The following RERE variants were observed in gnomAD, a reference collection of about 807,000 sequenced individuals.
RERE encodes arginine-glutamic acid dipeptide repeats.
Under a neutral mutation model 146.1 loss-of-function variants are expected in RERE, and 40 were observed. The observed-to-expected ratio is 0.27, with a 90% CI of 0.21 to 0.36. The LOEUF (loss-of-function observed/expected upper bound fraction) is 0.36. Among genes scored for constraint, RERE ranks in the 10% least tolerant of loss-of-function variants. RERE has a pLI of 1.00. For synonymous variants in RERE, 1,003 were observed against 866.0 expected, an observed-to-expected ratio of 1.16 and a Z score of -2.78; for missense variants, 1,933 against 2,138.7, an observed-to-expected ratio of 0.90 and a Z score of 1.90.
chr1:8,740,291 A>G (rs982098488), intron 1 of RERE, among the ~76,000 whole-genome samples: 4 of 152,226 alleles, frequency 2.6e-5, no homozygotes, highest in Admixed American at 6.5e-5. Context: ...TGAATACTGT[A>G]AACAACTGTA....
intron 12 of RERE, among the ~76,000 whole-genome samples, chr1:8,391,568 T>C (rs1642883842): frequency 6.6e-6 from 1 of 152,210 alleles, no homozygotes; most frequent in South Asian, 2.1e-4. Context: ...TCTGATTCTA[T>C]CCTTCCCTCC....
At chr1:8,416,915 T>C (rs1643791335) in intron 12 of RERE, among the ~76,000 whole-genome samples, 1 of 152,160 alleles carries the variant, frequency 6.6e-6, no homozygotes, top group Non-Finnish European at 1.5e-5. Flanking sequence ...GAATCTTCCA[T>C]TTTAACCAGT....
intron 8 of RERE, among the ~76,000 whole-genome samples, chr1:8,501,904 G>A (rs1461679975): frequency 1.1e-5 from 1 of 88,188 alleles, no homozygotes; most frequent in African/African-American, 4.4e-5. Flanking sequence ...TCAGCCCCCC[G>A]CCCGGCCAGC....
At chr1:8,509,973 C>A (rs1438000670) in intron 7 of RERE, among the ~76,000 whole-genome samples, 1 of 152,086 alleles carries the variant, frequency 6.6e-6, no homozygotes, top group African/African-American at 2.4e-5. Context: ...TTCTTTTAAT[C>A]CAATCATTTT....
chr1:8,643,003 A>C (rs1023879834), intron 2 of RERE, among the ~76,000 whole-genome samples: 1 of 152,232 alleles, frequency 6.6e-6, no homozygotes, highest in Non-Finnish European at 1.5e-5. Context: ...TTTTCCAAGT[A>C]CCTGGGATAC....
At chr1:8,675,567 G>A (rs997585148) in intron 1 of RERE, among the ~76,000 whole-genome samples, 2 of 151,590 alleles carry the variant, frequency 1.3e-5, no homozygotes, top group African/African-American at 2.4e-5. Context: ...CCAGCTACTC[G>A]GGAGGATTAG....
chr1:8,503,483 T>C (rs1645208948), intron 8 of RERE, among the ~76,000 whole-genome samples: 1 of 152,178 alleles, frequency 6.6e-6, no homozygotes, highest in Non-Finnish European at 1.5e-5. Context: ...CTCATATGCC[T>C]ATTAATAGGG....
At chr1:8,501,203 AGGTGGGG>A (rs1645144868) in intron 8 of RERE, among the ~76,000 whole-genome samples, 1 of 114,788 alleles carries the variant, frequency 8.7e-6, no homozygotes. Flanking sequence ...TCCGGGAGGG[AGGTGGGG>A]GGGTCAGCCC....
chr1:8,729,095 T>C (rs1157374785), intron 1 of RERE, among the ~76,000 whole-genome samples: 2 of 150,984 alleles, frequency 1.3e-5, no homozygotes, highest in Non-Finnish European at 3.0e-5. Context: ...ACCCGGGAGG[T>C]GGAAGCTGCG....
intron 2 of RERE, among the ~76,000 whole-genome samples, chr1:8,642,270 T>A (rs1647190829): frequency 6.6e-6 from 1 of 152,216 alleles, no homozygotes; most frequent in Non-Finnish European, 1.5e-5. Flanking sequence ...AGGTAGGTAC[T>A]CTTATCCCCA....
chr1:8,397,228 G>A (rs1222134763), intron 12 of RERE, among the ~76,000 whole-genome samples: 1 of 152,160 alleles, frequency 6.6e-6, no homozygotes, highest in Non-Finnish European at 1.5e-5. Context: ...CTCTTCACAC[G>A]TATTGTGATG....
chr1:8,400,822 G>A (rs537726513), intron 12 of RERE, among the ~76,000 whole-genome samples: 1 of 111,250 alleles, frequency 9.0e-6, no homozygotes, highest in African/African-American at 3.5e-5. Context: ...TGGGTAACAT[G>A]GTGAAACACC....
chr1:8,541,747 T>C (rs1234589004), intron 6 of RERE, among the ~76,000 whole-genome samples: 1 of 152,236 alleles, frequency 6.6e-6, no homozygotes, highest in Admixed American at 6.5e-5. Context: ...AAATGTGGAA[T>C]ATTTGACATG....
chr1:8,564,172 C>T (rs142606353), intron 4 of RERE, among the ~76,000 whole-genome samples: 1 of 152,312 alleles, frequency 6.6e-6, no homozygotes, highest in African/African-American at 2.4e-5. Context: ...TAGGGACAGA[C>T]AATGGGGTCA....
Position 8,360,679 on chromosome 1 carries a change from T to C in RERE, c.2828A>G (p.Gln943Arg). Residue 943 changes from glutamine to arginine, a missense_variant, in exon 18 of 23, where the codon CAG becomes CGG. Physicochemically the swap from Gln to Arg is conservative, Grantham distance 43. Transcript: ENST00000400908. ...GAGGTGGGGAGGGTGCTTGTGGGCC[T>C]GTGGCGCCGGCAGCTGGGGGATGGG... ...TTPIPQLPAPQAHKHPPHLSG... is the reference protein window; with the variant it reads ...TTPIPQLPAPRAHKHPPHLSG... 6.5e-7 allele frequency: 1 copy of C among 1,528,342 alleles called. No homozygotes were observed. The highest frequency in any genetic ancestry group is 8.8e-7 in the Non-Finnish European group (1 of 1,140,812). The allele number at this position is 1,528,342 out of a possible 1,614,324, so 94.7% of individuals were successfully genotyped here. A position where few individuals can be genotyped will look rare whatever the true frequency, so the allele number is the denominator to read the frequency against.
intron 1 of RERE, among the ~76,000 whole-genome samples, chr1:8,677,552 G>A (rs555161150): frequency 8.6e-5 from 13 of 151,058 alleles, no homozygotes; most frequent in African/African-American, 2.7e-4. Flanking sequence ...ACAGGTTAGC[G>A]TTCTAACATA....
At chr1:8,495,364 G>T (rs1329489123) in intron 9 of RERE, among the ~76,000 whole-genome samples, 1 of 151,450 alleles carries the variant, frequency 6.6e-6, no homozygotes, top group Non-Finnish European at 1.5e-5. Flanking sequence ...ATCCAGGCTG[G>T]AGTACAGTGG....
chr1:8,440,715 G>GTC (rs1644235367), intron 11 of RERE, among the ~76,000 whole-genome samples: 1 of 141,314 alleles, frequency 7.1e-6, no homozygotes. Flanking sequence ...GTGAAACCTC[G>GTC]TCTCTACTAA....
intron 4 of RERE, among the ~76,000 whole-genome samples, chr1:8,597,337 C>G (rs1646566808): frequency 6.6e-6 from 1 of 152,116 alleles, no homozygotes; most frequent in East Asian, 1.9e-4. Flanking sequence ...AATCCACCCG[C>G]TGCCTCAGCC....
Sources: allele counts gnomAD v4.1 joint callset (sites outside exome capture counted in the v4.1 genomes callset), GRCh38; gene constraint gnomAD v4.1.1; transcripts MANE v1.5; gene names NCBI Gene and HGNC (gene_info 2026-07-23, HGNC 2026-07-21).